The following FBXO38 variants were observed in gnomAD, a reference collection of about 807,000 sequenced individuals.
The protein encoded by FBXO38 is F-box only protein 38.
Under a neutral mutation model 131.9 loss-of-function variants are expected in FBXO38, and 53 were observed. The observed-to-expected ratio is 0.40, with a 90% CI of 0.32 to 0.51. The LOEUF is 0.51. FBXO38 is among the 20% of genes least tolerant of loss of function. The pLI is 0.53. For missense variants in FBXO38, 1,076 were observed against 1,475.6 expected (o/e 0.73, Z 4.44); for synonymous variants, 452 against 505.6 (o/e 0.89, Z 1.42).
At position 148,404,771 on chromosome 5, in the gene FBXO38, A is replaced by C. The variant is rs1581241597; in HGVS notation, c.679A>C (p.Lys227Gln). ...AAGACTCACTAAACCACAGCCATTT[A>C]AAGACTTCCTTTGTATCAGCTTAAG... ...WVRLTKPQPF[K>Q]DFLCISLRTF... is the part of the protein sequence containing the mutation. The change falls in exon 6 of 22, where the codon AAA (lysine) becomes CAA (glutamine). Residue 227 changes from lysine (K) to glutamine (Q), a missense_variant. Lys to Gln is a moderately conservative substitution (Grantham distance 53). Coordinates refer to ENST00000340253, the MANE Select transcript of FBXO38 (RefSeq NM_205836.3). The C allele has an allele frequency of 6.2e-7, 1 of 1,608,662 alleles. No individual in the cohort carries two copies.
At chr5:148,409,258 A>ATTGTGTCTCTC (rs757173882) in intron 8 of FBXO38, 41 bp downstream of exon 8, 2 of 1,315,248 alleles carry the variant, frequency 1.5e-6, no homozygotes, top group Non-Finnish European at 2.2e-6. Flanking sequence ...CTTTAGAAGT[A>ATTGTGTCTCTC]ATTATGTTTT....
At position 148,427,553 on chromosome 5, in the gene FBXO38, C is replaced by T; in HGVS notation, c.2259C>T (p.Ser753=). The T allele has an allele frequency of 1.2e-6, 2 of 1,614,148 alleles. No homozygotes were observed. The highest frequency in any genetic ancestry group is 1.7e-6 in the Non-Finnish European group (2 of 1,180,028). ...EVDVSRQCAC[S]PGGSEDSEAM... ...ATGTGTCCAGGCAGTGTGCCTGCTC[C>T]CCCGGTGGGTCAGAGGACTCTGAGG... Residue 753 remains serine, a synonymous_variant, in exon 15 of 22, where the codon TCC becomes TCT. Coordinates refer to ENST00000340253, the MANE Select transcript of FBXO38 (RefSeq NM_205836.3).
At chr5:148,401,913 C>G in intron 3 of FBXO38, 69 bp from the exon 4 acceptor site, 7 of 1,433,218 alleles carry the variant, frequency 4.9e-6, no homozygotes, top group African/African-American at 1.4e-5. Context: ...TGGTAAAAAT[C>G]ACGAGTGCCT....
At chr5:148,408,669 C>T (rs998346771) in intron 7 of FBXO38, among the ~76,000 whole-genome samples, 1 of 152,130 alleles carries the variant, frequency 6.6e-6, no homozygotes. Context: ...ATAAATCAGT[C>T]ATTTCTTTAA....
chr5:148,398,880 G>T, intron 2 of FBXO38, 119 bp from the exon 3 acceptor site: 2 of 1,167,456 alleles, frequency 1.7e-6, no homozygotes, highest in Non-Finnish European at 1.2e-6. Context: ...TTAAATCTCT[G>T]TCTTAAGATC....
chr5:148,435,646 T>G (rs1046092723), intron 17 of FBXO38, among the ~76,000 whole-genome samples: 2 of 152,098 alleles, frequency 1.3e-5, no homozygotes, highest in African/African-American at 4.8e-5. Flanking sequence ...GGCGGGTGCC[T>G]GTAGTCCCAG....
intron 17 of FBXO38, among the ~76,000 whole-genome samples, chr5:148,435,543 G>A (rs1021095225): frequency 1.2e-4 from 19 of 152,254 alleles, no homozygotes; most frequent in African/African-American, 3.9e-4. Context: ...AGGCCAAGGC[G>A]GGCGGATCAC....
chr5:148,440,901 G>C (rs1000062953), intron 20 of FBXO38, among the ~76,000 whole-genome samples: 2 of 152,218 alleles, frequency 1.3e-5, no homozygotes, highest in South Asian at 4.1e-4. Context: ...GATGAAGATT[G>C]CTTTGCCTGT....
At chr5:148,420,636 G>T (rs559353664) in intron 12 of FBXO38, among the ~76,000 whole-genome samples, 1 of 152,090 alleles carries the variant, frequency 6.6e-6, no homozygotes, top group South Asian at 2.1e-4. Flanking sequence ...TAAATACAGC[G>T]TCATTCCCTC....
Position 148,406,337 on chromosome 5 carries a change from C to T in FBXO38, c.811C>T (p.Arg271Ter), listed in dbSNP as rs766246325. The T allele has an allele frequency of 2.5e-6, 4 of 1,608,202 alleles. No homozygotes were observed. The highest frequency in any genetic ancestry group is 1.3e-5 in the African/African-American group (1 of 74,628). The part of the protein sequence containing the change: ...ARNLEHLEMV[R>*]VPFLGGLIQH... ...AAACTTGGAACACTTAGAAATGGTTCGAGTTCCTTTCCTTGGAGGTCTTAT... is the reference window on the plus strand; with the variant it reads ...AAACTTGGAACACTTAGAAATGGTTTGAGTTCCTTTCCTTGGAGGTCTTAT... Residue 271 changes from arginine (R) to a stop codon, truncating the protein, a stop_gained, in exon 7 of 22, where the codon CGA becomes TGA. Transcript: ENST00000340253. LOFTEE classifies it high-confidence loss of function.
chr5:148,416,165 C>G, intron 11 of FBXO38, 95 bp downstream of exon 11: 2 of 1,239,094 alleles, frequency 1.6e-6, no homozygotes, highest in Non-Finnish European at 2.2e-6. Flanking sequence ...CAATGATATG[C>G]CTTTACGGTG....
At chr5:148,395,593 G>A (rs1758440698) in intron 2 of FBXO38, among the ~76,000 whole-genome samples, 1 of 151,808 alleles carries the variant, frequency 6.6e-6, no homozygotes, top group African/African-American at 2.4e-5. Flanking sequence ...TCTGAAATTA[G>A]AGACCTGAGT....
At chr5:148,439,516 G>A (rs1754549654) in intron 18 of FBXO38, 131 bp from the exon 19 acceptor site, 2 of 889,358 alleles carry the variant, frequency 2.2e-6, no homozygotes, top group South Asian at 1.8e-5. Flanking sequence ...GTCTGAATGT[G>A]ACTATTTGAT....
chr5:148,417,121 A>G lies in FBXO38; in HGVS notation c.1535A>G (p.Asn512Ser). The change falls in exon 12 of 22, where the codon AAT becomes AGT. Residue 512 changes from asparagine (N) to serine (S), a missense_variant. By Grantham distance (46) the Asn-to-Ser change is conservative. Around this residue, in one of 8 missense-constraint regions of FBXO38, gnomAD observed 212 missense variants for 221.2 expected, o/e 0.96. Coordinates refer to ENST00000340253, the MANE Select transcript of FBXO38 (RefSeq NM_205836.3). ...AACAATGCCAACATCCACGACAACA[A>G]TCACCATCATCCAGATGACTCAGAC... ...QNNNANIHDN[N>S]HHHPDDSDEE... is the part of the protein sequence containing the mutation. The G allele has an allele frequency of 6.2e-7, 1 of 1,613,770 alleles. No individual in the cohort carries two copies. Among genetic ancestry groups the G allele is most frequent in the Non-Finnish European group, 8.5e-7 (1 of 1,179,692 alleles).
intron 12 of FBXO38, among the ~76,000 whole-genome samples, chr5:148,420,769 G>A (rs1228991433): frequency 2.0e-5 from 3 of 152,098 alleles, no homozygotes; most frequent in African/African-American, 4.8e-5. Flanking sequence ...GCACATTGCT[G>A]ATTTTTGCCC....
In FBXO38 at chr5:148,427,715, C is replaced by G. The variant is rs1581281621; in HGVS notation, c.2421C>G (p.Gly807=). 2 of 1,614,130 alleles carry G rather than the reference C, an allele frequency of 1.2e-6. No homozygotes were observed. The highest frequency in any genetic ancestry group is 1.7e-5 in the Admixed American group (1 of 60,026). The change falls in exon 15 of 22, where the codon GGC becomes GGG. Residue 807 remains glycine (G), a synonymous_variant. Coordinates refer to ENST00000340253, the MANE Select transcript of FBXO38 (RefSeq NM_205836.3). The stretch of plus-strand genomic sequence containing the variant: ...CCAGCCGAGCCTGTGTTGTGAATGG[C>G]CCGGATGGTACGAGATCCGCCTTTT... ...PSTSRACVVN[G]PDGTRSAFSF...
chr5:148,441,348 C>A, intron 21 of FBXO38, 111 bp downstream of exon 21: 1 of 759,398 alleles, frequency 1.3e-6, no homozygotes. Context: ...AATGGTTTCC[C>A]ATAGAAATAA....
intron 15 of FBXO38, among the ~76,000 whole-genome samples, chr5:148,431,064 G>T (rs1254231484): frequency 1.3e-5 from 2 of 152,082 alleles, no homozygotes; most frequent in Non-Finnish European, 2.9e-5. Flanking sequence ...TTCCTTTCCA[G>T]TAGACTGTGA....
At chr5:148,417,934 T>A (rs531436330) in intron 12 of FBXO38, among the ~76,000 whole-genome samples, 2 of 152,316 alleles carry the variant, frequency 1.3e-5, no homozygotes, top group East Asian at 3.9e-4. Context: ...CAGTAATTAA[T>A]GAGAAATAGG....
Sources: gnomAD v4.1 joint callset for allele counts (sites outside exome capture counted in the v4.1 genomes callset) on GRCh38, gnomAD v4.1.1 for gene constraint, gnomAD v4.1.1 regional missense constraint, MANE v1.5 for transcripts, NCBI Gene and HGNC (gene_info 2026-07-23, HGNC 2026-07-21) for gene names.